ADAM12: variants seen among roughly 807,000 people sequenced by gnomAD.
ADAM12 encodes ADAM metallopeptidase domain 12, also known as disintegrin and metalloproteinase domain-containing protein 12.
Under a neutral mutation model 106.4 loss-of-function variants are expected in ADAM12, and 70 were observed. The observed-to-expected ratio is 0.66, with a 90% CI of 0.54 to 0.80. ADAM12 has a LOEUF of 0.80. ADAM12 is among the 30% of genes least tolerant of loss of function. ADAM12 has a pLI of 0.00. For missense variants in ADAM12, 1,010 were observed against 1,171.9 expected (o/e 0.86, Z 2.02); for synonymous variants, 420 against 433.5 (o/e 0.97, Z 0.39).
At chr10:126,078,954 G>A (rs142122382) in intron 11 of ADAM12, among the ~76,000 whole-genome samples, 257 of 152,194 alleles carry the variant, frequency 1.7e-3, no homozygotes, top group Non-Finnish European at 2.9e-3. Flanking sequence ...TCAATGTACC[G>A]ATTTAAACAC....
intron 10 of ADAM12, among the ~76,000 whole-genome samples, chr10:126,094,606 A>T (rs1292248419): frequency 6.6e-6 from 1 of 152,218 alleles, no homozygotes; most frequent in African/African-American, 2.4e-5. Context: ...GAGCCCTGAG[A>T]GGTTGTCATT....
intron 4 of ADAM12, among the ~76,000 whole-genome samples, chr10:126,139,898 G>A (rs1451955753): frequency 6.6e-6 from 1 of 152,024 alleles, no homozygotes; most frequent in Non-Finnish European, 1.5e-5. Flanking sequence ...TCTCACTCTA[G>A]ATTAACTCTT....
chr10:126,140,969 T>C (rs2133690092), intron 4 of ADAM12, among the ~76,000 whole-genome samples: 1 of 152,284 alleles, frequency 6.6e-6, no homozygotes, highest in East Asian at 1.9e-4. Context: ...TGGCCAGCAG[T>C]GGCCAGTCAA....
chr10:126,045,046 C>G (rs112856674), intron 17 of ADAM12, among the ~76,000 whole-genome samples: 2 of 152,170 alleles, frequency 1.3e-5, no homozygotes, highest in Non-Finnish European at 2.9e-5. Context: ...AAATGCGGGC[C>G]TCTCCGCTCC....
chr10:126,098,844 G>A (rs1795694560), intron 9 of ADAM12, among the ~76,000 whole-genome samples: 1 of 152,198 alleles, frequency 6.6e-6, no homozygotes, highest in Non-Finnish European at 1.5e-5. Flanking sequence ...TAGTCACAGA[G>A]AATCACTGTT....
chr10:126,050,154 T>C (rs1023495466), intron 14 of ADAM12, among the ~76,000 whole-genome samples: 7 of 152,232 alleles, frequency 4.6e-5, no homozygotes, highest in African/African-American at 1.7e-4. Flanking sequence ...TTTAGTCCCA[T>C]AAAGCTCCCT....
At chr10:126,306,561 G>C (rs535452192) in intron 2 of ADAM12, among the ~76,000 whole-genome samples, 1 of 152,210 alleles carries the variant, frequency 6.6e-6, no homozygotes, top group East Asian at 1.9e-4. Flanking sequence ...GTTTGATTCT[G>C]TTAGAGACGA....
chr10:126,143,444 TG>T (rs1956560910), intron 4 of ADAM12, among the ~76,000 whole-genome samples: 1 of 151,000 alleles, frequency 6.6e-6, no homozygotes, highest in South Asian at 2.1e-4. Flanking sequence ...TGTGTGTATA[TG>T]GTGTGCATGT....
intron 1 of ADAM12, among the ~76,000 whole-genome samples, chr10:126,368,802 G>C (rs1481160359): frequency 1.4e-5 from 2 of 146,276 alleles, no homozygotes; most frequent in African/African-American, 4.9e-5. Context: ...AGGAAAAAAA[G>C]TAAACATATA....
At chr10:126,236,919 A>C (rs1038411283) in intron 3 of ADAM12, among the ~76,000 whole-genome samples, 1 of 152,210 alleles carries the variant, frequency 6.6e-6, no homozygotes, top group African/African-American at 2.4e-5. Context: ...ATGGGCAGGC[A>C]GCATGACATT....
At chr10:126,277,415 A>G (rs938362013) in intron 3 of ADAM12, among the ~76,000 whole-genome samples, 1 of 152,072 alleles carries the variant, frequency 6.6e-6, no homozygotes, top group African/African-American at 2.4e-5. Flanking sequence ...AATAAAGAAC[A>G]CTCCTAAATC....
Position 126,036,093 on chromosome 10 carries a change from T to C in ADAM12, c.2529+53A>G, listed in dbSNP as rs986878343. 5 of 1,328,464 alleles carry C rather than the reference T, an allele frequency of 3.8e-6. No homozygotes were observed. The African/African-American group carries it at 4.5e-5, about 12-fold the overall frequency. 82.3% of individuals were successfully genotyped at this position (1,328,464 alleles called of 1,614,324 possible). On this transcript the variant is annotated intron_variant, in intron 21 of 22. Transcript: ENST00000448723. ...TTATCTAAGCTCACACATTAACAAG[T>C]AGCAGAATCTGGATTTGAACTACAT...
chr10:126,039,100 C>G (rs1954112543), intron 19 of ADAM12, among the ~76,000 whole-genome samples, 194 bp downstream of exon 19: 1 of 151,812 alleles, frequency 6.6e-6, no homozygotes, highest in African/African-American at 2.4e-5. Context: ...GATGGGACTA[C>G]AGGCACCCAC....
intron 5 of ADAM12, among the ~76,000 whole-genome samples, chr10:126,132,644 T>C (rs1956329248): frequency 2.0e-5 from 3 of 151,702 alleles, no homozygotes; most frequent in Non-Finnish European, 4.4e-5. Flanking sequence ...GTTTACTGTT[T>C]CTCCCCTGGC....
At chr10:126,281,028 G>C (rs1959552633) in intron 2 of ADAM12, among the ~76,000 whole-genome samples, 1 of 152,044 alleles carries the variant, frequency 6.6e-6, no homozygotes, top group Non-Finnish European at 1.5e-5. Flanking sequence ...ATTTGCTTTC[G>C]AGTCCATCAC....
At chr10:126,300,868 T>C (rs951417962) in intron 2 of ADAM12, among the ~76,000 whole-genome samples, 1 of 152,220 alleles carries the variant, frequency 6.6e-6, no homozygotes, top group African/African-American at 2.4e-5. Flanking sequence ...TATATCATGA[T>C]GAGAAAGACC....
chr10:126,388,412 G>A lies in ADAM12; in HGVS notation c.-267C>T, dbSNP rs1590856119. 1 of 313,122 alleles carries A rather than the reference G, an allele frequency of 3.2e-6. No individual in the cohort carries two copies. Among genetic ancestry groups the A allele is most frequent in the Non-Finnish European group, 5.6e-6 (1 of 177,890 alleles). 19.4% of individuals were successfully genotyped at this position (313,122 alleles called of 1,614,324 possible). A position where few individuals can be genotyped will look rare whatever the true frequency, so the allele number is the denominator to read the frequency against. ...CAGCCTTGACCGTTGCAATAAATGA[G>A]CAAACTGTCCGAGTTGGCCCGGGGA... is the stretch of plus-strand genomic sequence containing the variant. On this transcript the variant is annotated 5_prime_UTR_variant, in exon 1 of 23. Coordinates refer to ENST00000448723, the MANE Select transcript of ADAM12 (RefSeq NM_001288973.2). The surrounding 1 kb of genome is among the most constrained non-coding windows in gnomAD (Gnocchi z 4.4).
chr10:126,243,590 T>C (rs1958573875), intron 3 of ADAM12, among the ~76,000 whole-genome samples: 1 of 152,012 alleles, frequency 6.6e-6, no homozygotes, highest in Admixed American at 6.6e-5. Flanking sequence ...AAAACACTTA[T>C]GGGATGTGTT....
chr10:126,358,241 C>A (rs374332783), intron 1 of ADAM12, among the ~76,000 whole-genome samples: 1 of 151,292 alleles, frequency 6.6e-6, no homozygotes, highest in East Asian at 1.9e-4. Flanking sequence ...ATGCAAAAAT[C>A]CTTATCAAAA....
Sources: allele counts gnomAD v4.1 joint callset (sites outside exome capture counted in the v4.1 genomes callset), GRCh38; gene constraint gnomAD v4.1.1; non-coding constraint Gnocchi (gnomAD v3.1); transcripts MANE v1.5; gene names NCBI Gene and HGNC (gene_info 2026-07-23, HGNC 2026-07-21).